Variants in HCN1 observed in about 807,000 individuals in gnomAD.
HCN1 encodes the protein potassium/sodium hyperpolarization-activated cyclic nucleotide-gated channel 1.
Under a neutral mutation model 78.9 loss-of-function variants are expected in HCN1, and 13 were observed. The observed-to-expected ratio is 0.16, with a 90% confidence interval of 0.11 to 0.26. The LOEUF is 0.26. HCN1 is among the 10% of genes least tolerant of loss of function. The probability of loss-of-function intolerance (pLI) is 1.00; values close to 1 mark genes in which losing one functional copy is unlikely to be tolerated. For synonymous variants in HCN1, 552 were observed against 455.5 expected (o/e 1.21, Z -2.70); for missense variants, 810 against 1,154.3 (o/e 0.70, Z 4.32).
chr5:45,569,625 A>C (rs2111899294), intron 2 of HCN1, among the ~76,000 whole-genome samples: 1 of 152,194 alleles, frequency 6.6e-6, no homozygotes, highest in South Asian at 2.1e-4. Flanking sequence ...CTCACTATAT[A>C]GTTCTCAACT....
At chr5:45,558,670 A>C (rs1232379053) in intron 2 of HCN1, 2 of 152,086 alleles carry the variant, frequency 1.3e-5, no homozygotes, top group Admixed American at 1.3e-4. Flanking sequence ...CATTCCTAAA[A>C]TCAAAGGGCC....
intron 2 of HCN1, among the ~76,000 whole-genome samples, chr5:45,609,248 A>G (rs565874397): frequency 3.9e-5 from 6 of 152,114 alleles, no homozygotes; most frequent in Non-Finnish European, 7.4e-5. Context: ...AATCTTAGAA[A>G]TGTACACAAG....
intron 2 of HCN1, among the ~76,000 whole-genome samples, chr5:45,507,171 G>A (rs1742322337): frequency 1.3e-5 from 2 of 152,220 alleles, no homozygotes; most frequent in Non-Finnish European, 2.9e-5. Flanking sequence ...TTTTAAACTA[G>A]GTAGGAAATT....
intron 2 of HCN1, among the ~76,000 whole-genome samples, chr5:45,621,293 T>A (rs1022674260): frequency 1.3e-5 from 2 of 151,774 alleles, no homozygotes; most frequent in Non-Finnish European, 2.9e-5. Flanking sequence ...AAATTCTTGT[T>A]AGGTAATTCT....
At chr5:45,301,372 C>CAGAGT (rs1745617273) in intron 6 of HCN1, among the ~76,000 whole-genome samples, 1 of 139,536 alleles carries the variant, frequency 7.2e-6, no homozygotes, top group Non-Finnish European at 1.6e-5. Context: ...ATTATAATAA[C>CAGAGT]AGAGTAGTCA....
intron 2 of HCN1, among the ~76,000 whole-genome samples, chr5:45,494,068 C>A (rs1421057994): frequency 6.6e-6 from 1 of 152,048 alleles, no homozygotes; most frequent in Non-Finnish European, 1.5e-5. Context: ...CATACGTGTG[C>A]ATGTGTCTTT....
chr5:45,294,423 T>A (rs899713416), intron 6 of HCN1, among the ~76,000 whole-genome samples: 2 of 151,970 alleles, frequency 1.3e-5, no homozygotes, highest in African/African-American at 4.8e-5. Flanking sequence ...TCCTTTCTCA[T>A]GGGTTTGTTT....
intron 2 of HCN1, among the ~76,000 whole-genome samples, chr5:45,586,635 T>C (rs1370561702): frequency 6.6e-6 from 1 of 152,040 alleles, no homozygotes; most frequent in African/African-American, 2.4e-5. Flanking sequence ...AGCTGTAGAG[T>C]GCAGCTGTTC....
chr5:45,278,176 T>C (rs368152721), intron 6 of HCN1, among the ~76,000 whole-genome samples: 1 of 152,104 alleles, frequency 6.6e-6, no homozygotes, highest in Non-Finnish European at 1.5e-5. Flanking sequence ...GTCCAGAAGT[T>C]CATACCAGTC....
chr5:45,632,450 A>C (rs1208022190), intron 2 of HCN1, among the ~76,000 whole-genome samples: 1 of 152,042 alleles, frequency 6.6e-6, no homozygotes, highest in Non-Finnish European at 1.5e-5. Context: ...TGCTTCCATA[A>C]AGGTAAAAGT....
chr5:45,303,512 A>T, intron 6 of HCN1, 87 bp downstream of exon 6: 1 of 1,419,508 alleles, frequency 7.0e-7, no homozygotes, highest in Non-Finnish European at 9.9e-7. Context: ...AAAACCAAAA[A>T]ACTGACATGC....
At chr5:45,376,098 T>C (rs1456312361) in intron 4 of HCN1, among the ~76,000 whole-genome samples, 1 of 110,728 alleles carries the variant, frequency 9.0e-6, no homozygotes, top group African/African-American at 3.7e-5. Context: ...TTATATATAA[T>C]ATAATGTTTT....
intron 5 of HCN1, among the ~76,000 whole-genome samples, chr5:45,306,586 C>T (rs752164329): frequency 6.6e-6 from 1 of 152,052 alleles, no homozygotes; most frequent in Non-Finnish European, 1.5e-5. Context: ...TTCTAAAAAC[C>T]TTTCATTCTC....
chr5:45,405,069 G>T (rs1021162985), intron 3 of HCN1, among the ~76,000 whole-genome samples: 27 of 152,234 alleles, frequency 1.8e-4, no homozygotes, highest in Admixed American at 7.2e-4. Flanking sequence ...GGTGAAATTA[G>T]AAAGCCATGA....
intron 2 of HCN1, among the ~76,000 whole-genome samples, chr5:45,628,258 T>A (rs2112006945): frequency 6.6e-6 from 1 of 152,270 alleles, no homozygotes; most frequent in Non-Finnish European, 1.5e-5. Flanking sequence ...CTCCCTAACA[T>A]CACTATTTCA....
chr5:45,689,723 T>G (rs1260557465), intron 1 of HCN1, among the ~76,000 whole-genome samples: 1 of 152,106 alleles, frequency 6.6e-6, no homozygotes, highest in African/African-American at 2.4e-5. Context: ...TGCAGGGTCT[T>G]GAAGCTCATA....
rs142991297 is a variant in HCN1, at chr5:45,637,404, T to C, written c.849+7781A>G. Among the ~76,000 whole-genome samples the C allele has an allele frequency of 2.3e-4, 35 of 152,140 alleles. No homozygotes were observed. The East Asian group carries it at 6.6e-3, about 29-fold the overall frequency. On this transcript the variant is annotated intron_variant, in intron 2 of 7. Transcript: ENST00000303230. ...CATTGAGGGAATAACTGAAATCATC[T>C]AGCAAGTACTTTAGAGCCCAGTTAT...
At chr5:45,411,963 T>C (rs1740032798) in intron 3 of HCN1, among the ~76,000 whole-genome samples, 1 of 152,100 alleles carries the variant, frequency 6.6e-6, no homozygotes, top group Admixed American at 6.6e-5. Context: ...TTGCCACAAA[T>C]TGGCAGACTA....
At chr5:45,371,119 A>T (rs1007539022) in intron 4 of HCN1, among the ~76,000 whole-genome samples, 1 of 152,066 alleles carries the variant, frequency 6.6e-6, no homozygotes, top group Non-Finnish European at 1.5e-5. Context: ...TCTGGGACTC[A>T]GCTAAGGCAG....
Sources: gnomAD v4.1 joint callset for allele counts (sites outside exome capture counted in the v4.1 genomes callset) on GRCh38, gnomAD v4.1.1 for gene constraint, MANE v1.5 for transcripts, NCBI Gene and HGNC (gene_info 2026-07-23, HGNC 2026-07-21) for gene names.